FATE1: variants seen among roughly 807,000 people sequenced by gnomAD.
The protein encoded by FATE1 is fetal and adult testis expressed 1.
In FATE1, 18 loss-of-function variants were observed where a neutral mutation model predicts 16.0. The observed-to-expected ratio is 1.12, with a 90% CI of 0.78 to 1.66. The LOEUF is 1.66. Among genes scored for constraint, FATE1 ranks in the 40% most tolerant of loss-of-function variants. The probability of loss-of-function intolerance (pLI) is 0.00; values close to 1 mark genes in which losing one functional copy is unlikely to be tolerated. For missense variants in FATE1, 169 were observed against 152.7 expected, an observed-to-expected ratio of 1.11 and a Z score of -0.56; for synonymous variants, 76 against 56.9, an observed-to-expected ratio of 1.34 and a Z score of -1.51.
In FATE1 at chrX:151,722,682, C is replaced by T; in HGVS notation, c.475C>T (p.Arg159Cys). The T allele has an allele frequency of 8.2e-7, 1 of 1,212,124 alleles. No individual in the cohort carries two copies. The highest frequency in any genetic ancestry group is 1.1e-6 in the Non-Finnish European group (1 of 895,454). Residue 159 changes from arginine to cysteine, a missense_variant, in exon 5 of 5, where the codon CGC (arginine) becomes TGC (cysteine). Coordinates refer to ENST00000370350, the MANE Select transcript of FATE1 (RefSeq NM_033085.3). ...RALEEQGATW[R>C]HRETLIIAVL... is the part of the protein sequence containing the mutation. Reference sequence around the variant, plus strand: ...CCTGGAGGAACAGGGCGCCACCTGGCGCCACAGGGAGACCCTGATCATCGC... The same window carrying T: ...CCTGGAGGAACAGGGCGCCACCTGGTGCCACAGGGAGACCCTGATCATCGC...
intron 2 of FATE1, among the ~76,000 whole-genome samples, chrX:151,718,354 C>A (rs1380113588): frequency 8.9e-6 from 1 of 112,151 alleles, no homozygotes; most frequent in East Asian, 2.8e-4. Context: ...TGTTCTAGAA[C>A]AAATAGTGGC....
chrX:151,722,945 G>C lies in FATE1; in HGVS notation c.*186G>C. On this transcript the variant is annotated 3_prime_UTR_variant, in exon 5 of 5. Transcript: ENST00000370350. ...CAGGTCACTGCACTGGGAGGTCCTGGCTGCTGCGAAGCTGGAGGAGGACTG... is the reference window on the plus strand; with the variant it reads ...CAGGTCACTGCACTGGGAGGTCCTGCCTGCTGCGAAGCTGGAGGAGGACTG... 1 of 520,756 alleles carries C rather than the reference G, an allele frequency of 1.9e-6. No homozygotes were observed. The highest frequency in any genetic ancestry group is 3.5e-5 in the South Asian group (1 of 28,180). The allele number at this position is 520,756 out of a possible 1,213,427, so 42.9% of individuals were successfully genotyped here.
intron 3 of FATE1, among the ~76,000 whole-genome samples, 188 bp downstream of exon 3, chrX:151,721,689 G>T (rs1040513900): frequency 2.7e-5 from 3 of 112,126 alleles, no homozygotes; most frequent in Non-Finnish European, 5.6e-5. Flanking sequence ...GCCGAGTTGG[G>T]CTGGACTGGG....
chrX:151,719,283 G>A (rs890253021), intron 2 of FATE1, among the ~76,000 whole-genome samples: 1 of 111,880 alleles, frequency 8.9e-6, no homozygotes, highest in Non-Finnish European at 1.9e-5. Context: ...TAATATGCAA[G>A]GGTGAGAAAA....
chrX:151,718,171 A>G (rs1397282277), intron 2 of FATE1, among the ~76,000 whole-genome samples: 12 of 91,438 alleles, frequency 1.3e-4, no homozygotes, highest in South Asian at 5.7e-4. Context: ...GAAGGAAGGA[A>G]GGGGAAAAGA....
At chrX:151,716,571 C>G (rs2015062867) in intron 1 of FATE1, among the ~76,000 whole-genome samples, 1 of 111,910 alleles carries the variant, frequency 8.9e-6, no homozygotes, top group South Asian at 3.8e-4. Context: ...ATTCATTTTC[C>G]TGCCATTTGG....
intron 1 of FATE1, 59 bp downstream of exon 1, chrX:151,716,284 C>T (rs1158341891): frequency 5.2e-6 from 5 of 963,240 alleles, no homozygotes; most frequent in East Asian, 6.8e-5. Context: ...CGTGTCTATA[C>T]CTGTGCATGT....
At chrX:151,721,308 T>G (rs779034401) in intron 2 of FATE1, 87 bp from the exon 3 acceptor site, 3 of 784,790 alleles carry the variant, frequency 3.8e-6, no homozygotes, top group Non-Finnish European at 5.8e-6. Flanking sequence ...TGATTCCCCA[T>G]GGGGTGCACC....
In FATE1 at chrX:151,717,277, A is replaced by ATGGAGCT; in HGVS notation, c.117_123dup (p.Ser42AlafsTer74). The ATGGAGCT allele has an allele frequency of 1.7e-6, 2 of 1,205,455 alleles. No homozygotes were observed. The highest frequency in any genetic ancestry group is 2.2e-6 in the Non-Finnish European group (2 of 891,377). ...GCTTCTGTTCTTCTCTCTAGAAATGATGGAGCTTGGATCTCGGTCCCGGGG... is the reference window on the plus strand; with the variant it reads ...GCTTCTGTTCTTCTCTCTAGAAATGATGGAGCTTGGAGCTTGGATCTCGGTCCCGGGG... On this transcript the variant is annotated frameshift_variant, in exon 2 of 5. Coordinates refer to ENST00000370350, the MANE Select transcript of FATE1 (RefSeq NM_033085.3). LOFTEE classifies it high-confidence loss of function.
chrX:151,717,448 T>C, intron 2 of FATE1, 49 bp downstream of exon 2: 1 of 1,163,171 alleles, frequency 8.6e-7, no homozygotes, highest in Non-Finnish European at 1.2e-6. Context: ...GGGTTGGGAG[T>C]ACTGGTTGTA....
intron 4 of FATE1, among the ~76,000 whole-genome samples, chrX:151,722,259 CCA>C (rs1295788514): frequency 1.8e-5 from 2 of 111,749 alleles, no homozygotes; most frequent in Non-Finnish European, 3.8e-5. Context: ...GGTTCTATGT[CCA>C]GAGAGAGAGT....
At chrX:151,718,216 G>GAAGAAAGAAAGAAAGAAAGA (rs368403459) in intron 2 of FATE1, among the ~76,000 whole-genome samples, 45 of 102,112 alleles carry the variant, frequency 4.4e-4, no homozygotes, top group African/African-American at 1.6e-3. Flanking sequence ...AGGAAGAAAG[G>GAAGAAAGAAAGAAAGAAAGA]AAGAAAGAAA....
intron 3 of FATE1, 87 bp from the exon 4 acceptor site, chrX:151,721,816 A>C (rs2015118706): frequency 1.2e-6 from 1 of 833,165 alleles, no homozygotes; most frequent in East Asian, 3.1e-5. Flanking sequence ...GAAGATCACG[A>C]CCTTACCTGC....
Position 151,722,757 on chromosome X carries a change from T to C in FATE1, c.550T>C (p.Ter184ArgextTer47). 2 of 1,207,681 alleles carry C rather than the reference T, an allele frequency of 1.7e-6. No homozygotes were observed. Among genetic ancestry groups the C allele is most frequent in the South Asian group, 3.6e-5 (2 of 56,241 alleles). Residue 184 changes from the stop codon to arginine (R), a stop_lost, in exon 5 of 5, where the codon TGA becomes CGA. Transcript: ENST00000370350. ...IANLWLWMNQ[*>R] ...CAACCTGTGGCTGTGGATGAACCAG[T>C]GATCGCCCCAGCGCGGCCTCCGTAT... is the stretch of plus-strand genomic sequence containing the variant.
Position 151,721,501 on chromosome X carries a change from G to T in FATE1, c.341G>T (p.Arg114Leu), listed in dbSNP as rs149441058. The T allele has an allele frequency of 1.7e-6, 2 of 1,205,279 alleles. No homozygotes were observed. The highest frequency in any genetic ancestry group is 3.5e-5 in the South Asian group (2 of 56,803). Residue 114 changes from arginine (R) to leucine (L), a missense_variant and splice_region_variant, in exon 3 of 5, where the codon CGC (arginine) becomes CTC (leucine). Coordinates refer to ENST00000370350, the MANE Select transcript of FATE1 (RefSeq NM_033085.3). ...NFQGIRFHYD[R>L]NPGTDAVAQT... Reference sequence around the variant, plus strand: ...CAAGGCATACGTTTCCATTATGATCGGTAAGAGCTGAGGGTCTGTGGGCCC... The same window carrying T: ...CAAGGCATACGTTTCCATTATGATCTGTAAGAGCTGAGGGTCTGTGGGCCC...
intron 2 of FATE1, among the ~76,000 whole-genome samples, chrX:151,717,750 A>G (rs2015074878): frequency 8.9e-6 from 1 of 111,765 alleles, no homozygotes; most frequent in Non-Finnish European, 1.9e-5. Context: ...GTATACACAC[A>G]ATAAGTCAGG....
At position 151,722,592 on chromosome X, in the gene FATE1, C is replaced by T. The variant is rs759855479; in HGVS notation, c.421-36C>T. The T allele has an allele frequency of 3.1e-5, 37 of 1,210,071 alleles. No homozygotes were observed. The South Asian group carries it at 6.3e-4, about 21-fold the overall frequency. On this transcript the variant is annotated intron_variant, in intron 4 of 4. Transcript: ENST00000370350. The stretch of plus-strand genomic sequence containing the variant: ...TGTGCTGTGGGCTTCTGGAGAAGAG[C>T]CTCGCTCAGCAGCCCTGCCTTTGAC...
At position 151,718,497 on chromosome X, in the gene FATE1, A is replaced by G. The variant is rs756667163; in HGVS notation, c.234+1098A>G. On this transcript the variant is annotated intron_variant, in intron 2 of 4. Coordinates refer to ENST00000370350, the MANE Select transcript of FATE1 (RefSeq NM_033085.3). ...TTAGCTAGCTACATTCACTGTAGGT[A>G]AGGGAAAGTTTTAGAAAAATTGTTG... is the stretch of plus-strand genomic sequence containing the variant. Among the ~76,000 whole-genome samples the G allele has an allele frequency of 1.3e-4, 15 of 112,293 alleles. No individual in the cohort carries two copies. The South Asian group carries it at 4.8e-3, about 36-fold the overall frequency.
chrX:151,718,182 A>G (rs1415118990), intron 2 of FATE1, among the ~76,000 whole-genome samples: 3 of 105,366 alleles, frequency 2.8e-5, no homozygotes, highest in African/African-American at 1.0e-4. Flanking sequence ...GGGGAAAAGA[A>G]AGGAAAAGGA....
Sources: allele counts gnomAD v4.1 joint callset (sites outside exome capture counted in the v4.1 genomes callset), GRCh38; gene constraint gnomAD v4.1.1; transcripts MANE v1.5; gene names NCBI Gene and HGNC (gene_info 2026-07-23, HGNC 2026-07-21).